Variants in BMP2K observed in about 807,000 individuals in gnomAD.
BMP2K encodes BMP2 inducible kinase, also known as BMP-2-inducible protein kinase.
Under a neutral mutation model 116.0 loss-of-function variants are expected in BMP2K, and 74 were observed. The ratio of observed to expected loss-of-function variants is 0.64; its 90% CI spans 0.53 to 0.77. The LOEUF (loss-of-function observed/expected upper bound fraction) is 0.77, where lower values mean the gene tolerates loss of function less well. Among genes scored for constraint, BMP2K ranks in the 30% least tolerant of loss-of-function variants. The pLI, the probability that BMP2K is intolerant of heterozygous loss-of-function variation, is 0.00. For synonymous variants in BMP2K, 486 were observed against 502.5 expected, an observed-to-expected ratio of 0.97 and a Z score of 0.44; for missense variants, 1,365 against 1,403.6, an observed-to-expected ratio of 0.97 and a Z score of 0.44.
At chr4:78,789,501 G>A (rs375158045) in intron 1 of BMP2K, among the ~76,000 whole-genome samples, 18 of 152,230 alleles carry the variant, frequency 1.2e-4, no homozygotes, top group African/African-American at 4.3e-4. Context: ...GGGACCTCGG[G>A]ACTTTTAATA....
At chr4:78,892,041 T>C (rs987386136) in intron 15 of BMP2K, among the ~76,000 whole-genome samples, 12 of 152,324 alleles carry the variant, frequency 7.9e-5, no homozygotes, top group Middle Eastern at 3.4e-3. Flanking sequence ...TCATGAAGGA[T>C]ATTGAACTTT....
intron 9 of BMP2K, among the ~76,000 whole-genome samples, chr4:78,863,654 T>C (rs1731902476): frequency 6.6e-6 from 1 of 152,162 alleles, no homozygotes; most frequent in South Asian, 2.1e-4. Context: ...AAAACAGCTC[T>C]GTGACTGTTG....
chr4:78,850,803 T>C (rs950135920), intron 6 of BMP2K, 121 bp from the exon 7 acceptor site: 4 of 908,568 alleles, frequency 4.4e-6, no homozygotes, highest in South Asian at 2.2e-5. Context: ...TAAGAAATAA[T>C]TTGTAAAAAG....
chr4:78,905,019 T>C (rs928417123), intron 15 of BMP2K, among the ~76,000 whole-genome samples: 3 of 151,952 alleles, frequency 2.0e-5, no homozygotes, highest in East Asian at 1.9e-4. Context: ...TGTATAAATA[T>C]GTGGAATATA....
chr4:78,797,580 A>C (rs1032059646), intron 1 of BMP2K, among the ~76,000 whole-genome samples: 3 of 152,162 alleles, frequency 2.0e-5, no homozygotes, highest in Non-Finnish European at 2.9e-5. Context: ...CTAGATATTA[A>C]TTTGGAGGGA....
chr4:78,898,080 A>T (rs747261135), intron 15 of BMP2K, among the ~76,000 whole-genome samples: 2 of 152,194 alleles, frequency 1.3e-5, no homozygotes, highest in Non-Finnish European at 2.9e-5. Flanking sequence ...ACTTACAGGA[A>T]TGAAGAGGGC....
At chr4:78,851,189 C>A in intron 7 of BMP2K, 133 bp downstream of exon 7, 1 of 940,930 alleles carries the variant, frequency 1.1e-6, no homozygotes, top group Non-Finnish European at 1.5e-6. Flanking sequence ...AAGAAAAAAA[C>A]ATTTAAAAAA....
intron 1 of BMP2K, among the ~76,000 whole-genome samples, chr4:78,814,563 T>C (rs887343570): frequency 7.9e-5 from 12 of 152,058 alleles, no homozygotes; most frequent in Non-Finnish European, 1.8e-4. Context: ...AAGGGGCTTT[T>C]CCCCCTTTTG....
At chr4:78,833,482 C>T (rs1334346234) in intron 2 of BMP2K, 100 bp from the exon 3 acceptor site, 8 of 782,646 alleles carry the variant, frequency 1.0e-5, no homozygotes, top group Non-Finnish European at 1.6e-5. Flanking sequence ...CTAATTCTTA[C>T]CTTTTGAAAT....
chr4:78,875,312 A>AC (rs1732579212), intron 13 of BMP2K, among the ~76,000 whole-genome samples: 2 of 152,192 alleles, frequency 1.3e-5, no homozygotes, highest in Admixed American at 6.5e-5. Flanking sequence ...AATATAAGAA[A>AC]CCAAGTAGTA....
chr4:78,872,677 C>T lies in BMP2K; in HGVS notation c.1672C>T (p.Gln558Ter). The change falls in exon 13 of 16, where the codon CAA becomes TAA. Residue 558 changes from glutamine (Q) to a stop codon, truncating the protein, a stop_gained. Transcript: ENST00000502613. LOFTEE classifies it high-confidence loss of function. ...QMLAQHQPSQQQASPEYLTSP... is the reference protein window; with the variant it reads ...QMLAQHQPSQ ...GCTAGCTCAACATCAGCCGTCTCAA[C>T]AACAGGCATCACCTGAATATCTTAC... is the stretch of plus-strand genomic sequence containing the variant. 1.2e-6 allele frequency: 2 copies of T among 1,614,144 alleles called. No individual in the cohort carries two copies. The highest frequency in any genetic ancestry group is 1.7e-6 in the Non-Finnish European group (2 of 1,179,990).
At chr4:78,888,248 C>A (rs1028445959) in intron 15 of BMP2K, 2 of 152,180 alleles carry the variant, frequency 1.3e-5, no homozygotes, top group Admixed American at 1.3e-4. Flanking sequence ...TTTCTGTTTG[C>A]TGCTTTCAAG....
At chr4:78,823,590 A>G (rs1023162713) in intron 1 of BMP2K, among the ~76,000 whole-genome samples, 1 of 147,906 alleles carries the variant, frequency 6.8e-6, no homozygotes, top group African/African-American at 2.5e-5. Context: ...ATATATAGGT[A>G]TATATGTAGG....
intron 9 of BMP2K, among the ~76,000 whole-genome samples, chr4:78,861,863 G>A (rs1040131124): frequency 2.0e-5 from 3 of 151,764 alleles, no homozygotes; most frequent in African/African-American, 7.3e-5. Flanking sequence ...AGAATATATA[G>A]AATATGTATG....
rs186886388 is a variant in BMP2K at position 78,814,775 on chromosome 4, A to T, written c.179-11262A>T. 1.5e-3 allele frequency among the ~76,000 whole-genome samples: 223 copies of T among 152,204 alleles called. 1 individual carries two copies. The highest frequency in any genetic ancestry group is 5.0e-3 in the African/African-American group (206 of 41,534). ...TAATACACTTGTCAAGGGCAAAAAA[A>T]AATTATATATTACAGATTTTTTCCC... is the stretch of plus-strand genomic sequence containing the variant. On this transcript the variant is annotated intron_variant, in intron 1 of 15. Transcript: ENST00000502613.
At chr4:78,834,327 T>C (rs1730355052) in intron 3 of BMP2K, among the ~76,000 whole-genome samples, 1 of 151,696 alleles carries the variant, frequency 6.6e-6, no homozygotes, top group East Asian at 1.9e-4. Context: ...AGTGGTGCGA[T>C]CTCGGCTCAC....
intron 1 of BMP2K, among the ~76,000 whole-genome samples, chr4:78,806,960 C>G (rs1728851797): frequency 6.6e-6 from 1 of 151,790 alleles, no homozygotes; most frequent in South Asian, 2.1e-4. Flanking sequence ...GCAATTCTTC[C>G]TGCATCAGCT....
chr4:78,834,151 A>G (rs752802196), intron 3 of BMP2K, among the ~76,000 whole-genome samples: 1 of 152,184 alleles, frequency 6.6e-6, no homozygotes, highest in Non-Finnish European at 1.5e-5. Flanking sequence ...TAAACATTAG[A>G]TATAGAAAAT....
intron 14 of BMP2K, among the ~76,000 whole-genome samples, chr4:78,882,718 C>T (rs1333976142): frequency 6.6e-6 from 1 of 151,824 alleles, no homozygotes; most frequent in African/African-American, 2.4e-5. Flanking sequence ...GGATTTGTTT[C>T]TGCTTAAAAT....
Sources: allele counts gnomAD v4.1 joint callset (sites outside exome capture counted in the v4.1 genomes callset), GRCh38; gene constraint gnomAD v4.1.1; transcripts MANE v1.5; gene names NCBI Gene and HGNC (gene_info 2026-07-23, HGNC 2026-07-21).